The following COL4A1 variants were observed in gnomAD, a reference collection of about 807,000 sequenced individuals.
The protein encoded by COL4A1 is collagen type IV alpha 1 chain.
Under a neutral mutation model 216.6 loss-of-function variants are expected in COL4A1, and 40 were observed. That is an observed-to-expected ratio of 0.18 (90% CI 0.14 to 0.24). The LOEUF (loss-of-function observed/expected upper bound fraction) is 0.24. COL4A1 is among the 10% of genes least tolerant of loss of function. The pLI is 1.00. For missense variants in COL4A1, 1,628 were observed against 2,196.8 expected (o/e 0.74, Z 5.18); for synonymous variants, 839 against 810.7 (o/e 1.03, Z -0.59).
At chr13:110,219,657 T>C (rs1203811140) in intron 2 of COL4A1, among the ~76,000 whole-genome samples, 3 of 102,150 alleles carry the variant, frequency 2.9e-5, no homozygotes, top group Non-Finnish European at 5.8e-5. Context: ...AATATATATA[T>C]ATATGTATAT....
At position 110,252,466 on chromosome 13, in the gene COL4A1, A is replaced by ATGT. The variant is rs1204852656; in HGVS notation, c.85-9733_85-9732insACA. On this transcript the variant is annotated intron_variant, in intron 1 of 51. Transcript: ENST00000375820. ...ATACGTATATGTATTATATACATAT[A>ATGT]ATTATATGTATTATATATACGTATA... Among the ~76,000 whole-genome samples the ATGT allele has an allele frequency of 1.0e-3, 59 of 56,776 alleles. 3 individuals are homozygous for ATGT. The highest frequency in any genetic ancestry group is 3.9e-3 in the African/African-American group (56 of 14,440). 37.2% of individuals were successfully genotyped at this position (56,776 alleles called of 152,430 possible). A position where few individuals can be genotyped will look rare whatever the true frequency, so the allele number is the denominator to read the frequency against.
At chr13:110,224,012 A>T (rs1372845294) in intron 2 of COL4A1, among the ~76,000 whole-genome samples, 1 of 151,864 alleles carries the variant, frequency 6.6e-6, no homozygotes, top group African/African-American at 2.4e-5. Flanking sequence ...TTACTCCATT[A>T]AAAAAAATAT....
At chr13:110,246,876 A>C (rs1343220183) in intron 1 of COL4A1, among the ~76,000 whole-genome samples, 1 of 152,164 alleles carries the variant, frequency 6.6e-6, no homozygotes, top group East Asian at 1.9e-4. Context: ...TGAGGCACAC[A>C]CTTAACCCGA....
chr13:110,214,485 T>C (rs1190717164), intron 2 of COL4A1, among the ~76,000 whole-genome samples: 1 of 152,174 alleles, frequency 6.6e-6, no homozygotes, highest in African/African-American at 2.4e-5. Flanking sequence ...GAGGGTGTGT[T>C]TCTGGAAGAG....
chr13:110,201,577 T>C (rs2139191715), intron 18 of COL4A1, 55 bp from the exon 19 acceptor site: 1 of 1,417,406 alleles, frequency 7.1e-7, no homozygotes, highest in East Asian at 2.3e-5. Flanking sequence ...GCTAGTCCTG[T>C]ATAGTAAAGC....
At chr13:110,280,471 C>T (rs186694322) in intron 1 of COL4A1, among the ~76,000 whole-genome samples, 3 of 152,298 alleles carry the variant, frequency 2.0e-5, no homozygotes, top group East Asian at 1.9e-4. Flanking sequence ...CCATTGAAAA[C>T]GAAAACAATT....
In COL4A1 at chr13:110,179,331, C is replaced by A; in HGVS notation, c.2284G>T (p.Val762Leu). 1 of 1,614,154 alleles carries A rather than the reference C, an allele frequency of 6.2e-7. No homozygotes were observed. ...CCATGTTCTCCAGGAACGCCTGGTA[C>A]CCCAATGCTCCCCTTCTCCCCGGGT... ...GTPGEKGSIG[V>L]PGVPGEHGAI... Residue 762 changes from valine to leucine, a missense_variant, in exon 30 of 52, where the codon GTA becomes TTA. By Grantham distance (32) the Val-to-Leu change is conservative. Around this residue, in one of 8 missense-constraint regions of COL4A1, gnomAD observed 701 missense variants for 892.5 expected, o/e 0.79. Coordinates refer to ENST00000375820, the MANE Select transcript of COL4A1 (RefSeq NM_001845.6).
At chr13:110,258,777 C>T (rs1180081599) in intron 1 of COL4A1, among the ~76,000 whole-genome samples, 1 of 152,156 alleles carries the variant, frequency 6.6e-6, no homozygotes, top group African/African-American at 2.4e-5. Flanking sequence ...TGCAAAGAAG[C>T]TGATACACTG....
chr13:110,249,985 C>A (rs909782242), intron 1 of COL4A1, among the ~76,000 whole-genome samples: 7 of 152,106 alleles, frequency 4.6e-5, no homozygotes, highest in Non-Finnish European at 8.8e-5. Context: ...TTATCATCAT[C>A]ATTTGTTTTG....
chr13:110,169,339 G>T (rs1232456486), intron 43 of COL4A1, among the ~76,000 whole-genome samples: 1 of 152,124 alleles, frequency 6.6e-6, no homozygotes, highest in Admixed American at 6.5e-5. Flanking sequence ...TAGGCATTGA[G>T]CCATAATTTC....
At chr13:110,287,173 C>T (rs993991954) in intron 1 of COL4A1, among the ~76,000 whole-genome samples, 10 of 152,316 alleles carry the variant, frequency 6.6e-5, no homozygotes, top group African/African-American at 1.9e-4. Context: ...CATGCAGAGA[C>T]GCACTTTTCC....
At chr13:110,257,167 T>C (rs1482803049) in intron 1 of COL4A1, among the ~76,000 whole-genome samples, 1 of 152,234 alleles carries the variant, frequency 6.6e-6, no homozygotes, top group African/African-American at 2.4e-5. Flanking sequence ...AAGGATAATA[T>C]TATCTGATTT....
At chr13:110,247,790 C>T (rs985949963) in intron 1 of COL4A1, among the ~76,000 whole-genome samples, 14 of 57,756 alleles carry the variant, frequency 2.4e-4, no homozygotes, top group Non-Finnish European at 3.6e-4. Context: ...CTATGCTACT[C>T]GTGTGTGTGT....
Position 110,192,888 on chromosome 13 carries a change from G to T in COL4A1, c.1407C>A (p.Ile469=). ...GCCCCCGATATCCGTCTATATCACA[G>T]ATGAGGCAACTCTCTCCTTTTTGAC... ...EKGQKGESCL[I]CDIDGYRGPP... The change falls in exon 23 of 52, where the codon ATC becomes ATA. Residue 469 remains isoleucine (I), a synonymous_variant. Transcript: ENST00000375820. 6.2e-7 allele frequency: 1 copy of T among 1,614,164 alleles called. No homozygotes were observed. Among genetic ancestry groups the T allele is most frequent in the South Asian group, 1.1e-5 (1 of 91,084 alleles).
chr13:110,285,804 A>G (rs1248931320), intron 1 of COL4A1, among the ~76,000 whole-genome samples: 4 of 152,174 alleles, frequency 2.6e-5, no homozygotes, highest in Non-Finnish European at 4.4e-5. Context: ...GCTTGTAGAC[A>G]GCACACTGTG....
chr13:110,219,888 G>GTATATATA lies in COL4A1; in HGVS notation c.145-5874_145-5873insTATATATA, dbSNP rs1566386039. On this transcript the variant is annotated intron_variant, in intron 2 of 51. Transcript: ENST00000375820. Reference sequence around the variant, plus strand: ...TGTGTGTGTATATATGTATATATATGTGTGTATATATATGTATATATATGT... The same window carrying GTATATATA: ...TGTGTGTGTATATATGTATATATATGTATATATATGTGTATATATATGTATATATATGT... Among the ~76,000 whole-genome samples the GTATATATA allele has an allele frequency of 6.2e-5, 5 of 80,994 alleles. 1 individual carries two copies. The highest frequency in any genetic ancestry group is 2.7e-4 in the Admixed American group (2 of 7,310). 53.1% of individuals were successfully genotyped at this position (80,994 alleles called of 152,430 possible). A position where few individuals can be genotyped will look rare whatever the true frequency, so the allele number is the denominator to read the frequency against.
intron 18 of COL4A1, among the ~76,000 whole-genome samples, chr13:110,202,475 T>A (rs1879294899): frequency 6.6e-6 from 1 of 152,156 alleles, no homozygotes; most frequent in East Asian, 1.9e-4. Flanking sequence ...ATCCCACAAG[T>A]TATATATATA....
chr13:110,172,222 C>A (rs1877679313), intron 41 of COL4A1, among the ~76,000 whole-genome samples: 1 of 152,222 alleles, frequency 6.6e-6, no homozygotes, highest in East Asian at 1.9e-4. Flanking sequence ...TTCTGTGTCC[C>A]CTTTGCTTTC....
chr13:110,159,802 A>G lies in COL4A1; in HGVS notation c.4640+1390T>C, dbSNP rs544081224. Reference sequence around the variant, plus strand: ...GGAAAGAAATCCTATCACATGCTATAATATAGATGAACCCTGAGGACATTA... The same window carrying G: ...GGAAAGAAATCCTATCACATGCTATGATATAGATGAACCCTGAGGACATTA... On this transcript the variant is annotated intron_variant, in intron 49 of 51. Coordinates refer to ENST00000375820, the MANE Select transcript of COL4A1 (RefSeq NM_001845.6). Among the ~76,000 whole-genome samples the G allele has an allele frequency of 3.3e-5, 5 of 152,336 alleles. No homozygotes were observed. The East Asian group carries it at 7.7e-4, about 23-fold the overall frequency.
Sources: allele counts gnomAD v4.1 joint callset (sites outside exome capture counted in the v4.1 genomes callset), GRCh38; gene constraint gnomAD v4.1.1; regional missense constraint gnomAD v4.1.1; transcripts MANE v1.5; gene names NCBI Gene and HGNC (gene_info 2026-07-23, HGNC 2026-07-21).